The following DEFB118 variants were observed in gnomAD, a reference collection of about 807,000 sequenced individuals.
The protein encoded by DEFB118 is defensin beta 118.
DEFB118 carries 3 observed loss-of-function variants against 2.8 expected under a neutral mutation model. The observed-to-expected ratio is 1.09, with a 90% CI of 0.50 to 2.82. The LOEUF (loss-of-function observed/expected upper bound fraction) is 2.82. DEFB118 is among the 30% of genes most tolerant of loss of function. The pLI, the probability that DEFB118 is intolerant of heterozygous loss-of-function variation, is 0.04. For synonymous variants in DEFB118, 63 were observed against 53.5 expected (o/e 1.18, Z -0.78); for missense variants, 159 against 144.6 (o/e 1.10, Z -0.51).
At chr20:31,371,497 G>A (rs991014538) in intron 1 of DEFB118, among the ~76,000 whole-genome samples, 3 of 150,618 alleles carry the variant, frequency 2.0e-5, no homozygotes, top group African/African-American at 7.3e-5. Flanking sequence ...TTTTGAGACA[G>A]TCTCGCTCTG....
At chr20:31,369,269 T>C (rs1205585341) in intron 1 of DEFB118, among the ~76,000 whole-genome samples, 1 of 152,192 alleles carries the variant, frequency 6.6e-6, no homozygotes, top group Non-Finnish European at 1.5e-5. Flanking sequence ...GTTTCTCCTT[T>C]ATGTTTTTCA....
At chr20:31,369,030 T>C (rs1986166609) in intron 1 of DEFB118, among the ~76,000 whole-genome samples, 1 of 152,240 alleles carries the variant, frequency 6.6e-6, no homozygotes. Context: ...TGCTATGTTT[T>C]CTTGGCCCTA....
chr20:31,369,266 CT>C (rs1285320748), intron 1 of DEFB118, among the ~76,000 whole-genome samples: 1 of 151,902 alleles, frequency 6.6e-6, no homozygotes, highest in African/African-American at 2.4e-5. Flanking sequence ...CCTGTTTCTC[CT>C]TTATGTTTTT....
At chr20:31,370,856 T>C (rs986378887) in intron 1 of DEFB118, among the ~76,000 whole-genome samples, 3 of 152,124 alleles carry the variant, frequency 2.0e-5, no homozygotes, top group Non-Finnish European at 2.9e-5. Context: ...GTTCAAGCGA[T>C]TCCCCTGCCT....
intron 1 of DEFB118, 55 bp downstream of exon 1, chr20:31,368,763 T>C: frequency 2.6e-6 from 4 of 1,545,344 alleles, no homozygotes; most frequent in Non-Finnish European, 3.6e-6. Flanking sequence ...TTCTGGCTCA[T>C]GAAAATTCCA....
At chr20:31,371,620 G>A (rs770514733) in intron 1 of DEFB118, among the ~76,000 whole-genome samples, 10 of 151,954 alleles carry the variant, frequency 6.6e-5, no homozygotes, top group Non-Finnish European at 8.8e-5. Flanking sequence ...ATAGGCATGC[G>A]CCACCACGCC....
chr20:31,372,831 C>A, intron 1 of DEFB118, 26 bp from the exon 2 acceptor site: 1 of 1,594,166 alleles, frequency 6.3e-7, no homozygotes, highest in South Asian at 1.1e-5. Context: ...AACCCAAAAT[C>A]AATGGTCTTT....
rs770441481 is a variant in DEFB118, at chr20:31,373,025, C to T, written c.227C>T (p.Ser76Leu). The T allele has an allele frequency of 1.2e-5, 20 of 1,614,044 alleles. No individual in the cohort carries two copies. Among genetic ancestry groups the T allele is most frequent in the Admixed American group, 8.3e-5 (5 of 60,004 alleles). ...PATSPTPLSD[S>L]TPGIIDDILT... ...ACATCTCCCACACCCTTGAGTGACT[C>T]AACACCAGGAATTATTGATGATATT... The change falls in exon 2 of 2, where the codon TCA becomes TTA. Residue 76 changes from serine to leucine, a missense_variant. Transcript: ENST00000253381.
At chr20:31,372,053 G>A (rs140175242) in intron 1 of DEFB118, among the ~76,000 whole-genome samples, 335 of 152,196 alleles carry the variant, frequency 2.2e-3, no homozygotes, top group African/African-American at 7.1e-3. Context: ...AGTAATCCAT[G>A]GTGTATATAT....
chr20:31,371,273 C>T (rs1157585198), intron 1 of DEFB118, among the ~76,000 whole-genome samples: 2 of 152,038 alleles, frequency 1.3e-5, no homozygotes, highest in South Asian at 2.1e-4. Flanking sequence ...AGTCTCGTAG[C>T]TCGCCCTCTC....
intron 1 of DEFB118, 66 bp from the exon 2 acceptor site, chr20:31,372,791 A>C: frequency 7.9e-7 from 1 of 1,258,024 alleles, no homozygotes; most frequent in Non-Finnish European, 1.1e-6. Context: ...CGAGATATAC[A>C]GTCATGCTAG....
intron 1 of DEFB118, among the ~76,000 whole-genome samples, chr20:31,371,481 T>C (rs952675212): frequency 6.8e-6 from 1 of 147,920 alleles, no homozygotes; most frequent in Non-Finnish European, 1.5e-5. Flanking sequence ...TTTTCTTTTT[T>C]TTCTTTTTTG....
At position 31,372,655 on chromosome 20, in the gene DEFB118, C is replaced by T. The variant is rs6057649; in HGVS notation, c.59-202C>T. On this transcript the variant is annotated intron_variant, in intron 1 of 1. Coordinates refer to ENST00000253381, the MANE Select transcript of DEFB118 (RefSeq NM_054112.3). Reference sequence around the variant, plus strand: ...ATGACTAAAGTTTCTTTTCATTGATCGTAAGATTCATCCCACTTTCAGAAT... The same window carrying T: ...ATGACTAAAGTTTCTTTTCATTGATTGTAAGATTCATCCCACTTTCAGAAT... Among the ~76,000 whole-genome samples the T allele has an allele frequency of 2.6e-5, 4 of 152,086 alleles. 1 individual carries two copies. In the South Asian group the frequency reaches 8.3e-4, roughly 32 times the overall value.
At chr20:31,368,755 C>A in intron 1 of DEFB118, 47 bp downstream of exon 1, 1 of 1,576,662 alleles carries the variant, frequency 6.3e-7, no homozygotes, top group Non-Finnish European at 8.7e-7. Context: ...ATAGTGGGTT[C>A]TGGCTCATGA....
intron 1 of DEFB118, among the ~76,000 whole-genome samples, chr20:31,369,655 G>A (rs1480363511): frequency 6.6e-6 from 1 of 152,024 alleles, no homozygotes; most frequent in African/African-American, 2.4e-5. Context: ...CTCCCAAAGT[G>A]CTGGGATTAC....
At chr20:31,370,297 A>C (rs1050760667) in intron 1 of DEFB118, among the ~76,000 whole-genome samples, 1 of 152,210 alleles carries the variant, frequency 6.6e-6, no homozygotes, top group Non-Finnish European at 1.5e-5. Flanking sequence ...TTCTTCAGTT[A>C]CAATTCCAGA....
rs898859638 is a variant in DEFB118, at chr20:31,368,795, C to T, written c.58+87C>T. 11 of 1,285,960 alleles carry T rather than the reference C, an allele frequency of 8.6e-6. No homozygotes were observed. In the Admixed American group the frequency reaches 1.4e-4, roughly 16 times the overall value. 79.7% of individuals were successfully genotyped at this position (1,285,960 alleles called of 1,614,324 possible). ...TCCAATGTGTCACGGTACTCCCCAA[C>T]ATGGGCAGCTCCACAGTTCCCACAC... On this transcript the variant is annotated intron_variant, in intron 1 of 1. Coordinates refer to ENST00000253381, the MANE Select transcript of DEFB118 (RefSeq NM_054112.3).
Position 31,373,275 on chromosome 20 carries a change from A to C in DEFB118, c.*105A>C. 2.1e-6 allele frequency: 2 copies of C among 961,842 alleles called. No individual in the cohort carries two copies. The highest frequency in any genetic ancestry group is 3.0e-6 in the Non-Finnish European group (2 of 658,390). 59.6% of individuals were successfully genotyped at this position (961,842 alleles called of 1,614,324 possible). A position where few individuals can be genotyped will look rare whatever the true frequency, so the allele number is the denominator to read the frequency against. On this transcript the variant is annotated 3_prime_UTR_variant, in exon 2 of 2. Coordinates refer to ENST00000253381, the MANE Select transcript of DEFB118 (RefSeq NM_054112.3). ...AGTGACCCTCCCACCCCCCACCAAT[A>C]TGTAATTCTATTAATAGAAACAGCT...
In DEFB118 at chr20:31,368,685, T is replaced by C. The variant is rs752103719; in HGVS notation, c.35T>C (p.Val12Ala). ...KLLLLALPML[V>A]LLPQVIPAYS... The stretch of plus-strand genomic sequence containing the variant: ...CTGCTGCTGGCTCTTCCTATGCTTG[T>C]GCTCCTACCCCAAGTGATCCCAGGT... Residue 12 changes from valine (V) to alanine (A), a missense_variant, in exon 1 of 2, where the codon GTG (valine) becomes GCG (alanine). Transcript: ENST00000253381. The C allele has an allele frequency of 6.8e-6, 11 of 1,613,656 alleles. No individual in the cohort carries two copies. The South Asian group carries it at 8.8e-5, about 13-fold the overall frequency.
Sources: allele counts gnomAD v4.1 joint callset (sites outside exome capture counted in the v4.1 genomes callset), GRCh38; gene constraint gnomAD v4.1.1; transcripts MANE v1.5; gene names NCBI Gene and HGNC (gene_info 2026-07-23, HGNC 2026-07-21).